The following ORC4 variants were observed in gnomAD, a reference collection of about 807,000 sequenced individuals.
ORC4 encodes origin recognition complex, subunit 4 homolog.
ORC4 carries 55 observed loss-of-function variants against 63.9 expected under a neutral mutation model. The ratio of observed to expected loss-of-function variants is 0.86; its 90% CI spans 0.69 to 1.08. The LOEUF (loss-of-function observed/expected upper bound fraction) is 1.08, where lower values mean the gene tolerates loss of function less well. Among genes scored for constraint, ORC4 ranks in the 50% least tolerant of loss-of-function variants. The pLI, the probability that ORC4 is intolerant of heterozygous loss-of-function variation, is 0.00. For synonymous variants in ORC4, 150 were observed against 168.5 expected, an observed-to-expected ratio of 0.89 and a Z score of 0.85; for missense variants, 511 against 504.4, an observed-to-expected ratio of 1.01 and a Z score of -0.13.
intron 13 of ORC4, among the ~76,000 whole-genome samples, chr2:147,937,638 T>C (rs1688126059): frequency 6.6e-6 from 1 of 152,212 alleles, no homozygotes; most frequent in Non-Finnish European, 1.5e-5. Context: ...TTACAGGTAC[T>C]AGAAAATTTA....
intron 13 of ORC4, chr2:147,936,828 G>GACCA (rs1688076096): frequency 6.6e-6 from 1 of 151,994 alleles, no homozygotes; most frequent in African/African-American, 2.4e-5. Flanking sequence ...AGACCAGCCT[G>GACCA]ACCAACATGG....
At chr2:147,965,037 C>T (rs117943376) in intron 4 of ORC4, among the ~76,000 whole-genome samples, 497 of 152,194 alleles carry the variant, frequency 3.3e-3, no homozygotes, top group East Asian at 8.3e-3. Context: ...CATCACTAGA[C>T]CAGACCTATA....
At chr2:147,977,665 TG>T (rs1690642912) in intron 1 of ORC4, among the ~76,000 whole-genome samples, 2 of 152,210 alleles carry the variant, frequency 1.3e-5, no homozygotes, top group African/African-American at 4.8e-5. Flanking sequence ...GATAGGACCT[TG>T]TTACCAGGGG....
intron 1 of ORC4, among the ~76,000 whole-genome samples, chr2:147,988,709 GC>G (rs1295937046): frequency 6.6e-6 from 1 of 151,534 alleles, no homozygotes; most frequent in African/African-American, 2.4e-5. Context: ...AATAATCTCA[GC>G]TGTTCCAACT....
At chr2:147,987,391 T>TATATAC (rs1553458407) in intron 1 of ORC4, among the ~76,000 whole-genome samples, 1 of 136,622 alleles carries the variant, frequency 7.3e-6, no homozygotes. Context: ...TGTATATATA[T>TATATAC]ACACACACAC....
At chr2:147,954,376 C>G (rs1212405604) in intron 7 of ORC4, among the ~76,000 whole-genome samples, 1 of 152,128 alleles carries the variant, frequency 6.6e-6, no homozygotes, top group Non-Finnish European at 1.5e-5. Context: ...TGTACTTACC[C>G]AAGCCTAGAT....
In ORC4 at chr2:147,943,418, A is replaced by G. The variant is rs1183852853; in HGVS notation, c.849+18T>C. 3 of 1,527,998 alleles carry G rather than the reference A, an allele frequency of 2.0e-6. No individual in the cohort carries two copies. The highest frequency in any genetic ancestry group is 1.7e-5 in the Admixed American group (1 of 59,678). 94.7% of individuals were successfully genotyped at this position (1,527,998 alleles called of 1,614,324 possible). A position where few individuals can be genotyped will look rare whatever the true frequency, so the allele number is the denominator to read the frequency against. ...ACAAAAACAAAGCAACAAGCAATAA[A>G]ACAAAACTAATACAAACCAATAGCA... On this transcript the variant is annotated intron_variant, in intron 10 of 13. Coordinates refer to ENST00000392857, the MANE Select transcript of ORC4 (RefSeq NM_181741.4).
At position 147,958,304 on chromosome 2, in the gene ORC4, T is replaced by A. The variant is rs1452298874; in HGVS notation, c.381A>T (p.Lys127Asn). Residue 127 changes from lysine (K) to asparagine (N), a missense_variant, in exon 6 of 14, where the codon AAA (lysine) becomes AAT (asparagine). Lys to Asn is a moderately conservative substitution (Grantham distance 94). Transcript: ENST00000392857. ...TAACTGAAATGATACTTACAAAAAC[T>A]TTATCTCCAACTACATTTTCCAGAT... ...QLNLENVVGDKVFGSFAENLS... is the reference protein window; with the variant it reads ...QLNLENVVGDNVFGSFAENLS... 6.2e-7 allele frequency: 1 copy of A among 1,602,390 alleles called. No individual in the cohort carries two copies. Among genetic ancestry groups the A allele is most frequent in the African/African-American group, 1.3e-5 (1 of 74,758 alleles).
At chr2:148,006,415 T>C (rs1364250111) in intron 1 of ORC4, among the ~76,000 whole-genome samples, 1 of 152,178 alleles carries the variant, frequency 6.6e-6, no homozygotes, top group African/African-American at 2.4e-5. Flanking sequence ...TTGGCAAGCC[T>C]TGGTACTGCA....
rs145926788 is a variant in ORC4, at chr2:147,962,810, G to A, written c.226-3944C>T. Among the ~76,000 whole-genome samples the A allele has an allele frequency of 2.6e-3, 396 of 151,876 alleles. 2 individuals are homozygous for A. Among genetic ancestry groups the A allele is most frequent in the African/African-American group, 8.5e-3 (351 of 41,392 alleles). On this transcript the variant is annotated intron_variant, in intron 4 of 13. Coordinates refer to ENST00000392857, the MANE Select transcript of ORC4 (RefSeq NM_181741.4). Reference sequence around the variant, plus strand: ...ACAATACCGTGCACCCCTCCCTCCCGCAGACATACCCCTAGCTTGCCCAGT... The same window carrying A: ...ACAATACCGTGCACCCCTCCCTCCCACAGACATACCCCTAGCTTGCCCAGT...
intron 1 of ORC4, among the ~76,000 whole-genome samples, chr2:147,995,309 G>A (rs1461002524): frequency 1.3e-5 from 2 of 148,670 alleles, no homozygotes; most frequent in Non-Finnish European, 3.0e-5. Flanking sequence ...AATCAGCACT[G>A]TGTAAAAACG....
At chr2:147,935,746 C>G (rs936292848) in intron 13 of ORC4, 48 bp from the exon 14 acceptor site, 34 of 1,451,292 alleles carry the variant, frequency 2.3e-5, no homozygotes, top group Non-Finnish European at 3.3e-5. Flanking sequence ...AGGAGAGTGA[C>G]AACTCTCCTG....
chr2:147,938,691 C>T (rs1688196991), intron 11 of ORC4: 1 of 368,596 alleles, frequency 2.7e-6, no homozygotes, highest in Non-Finnish European at 5.0e-6. Context: ...ACAAAATAAA[C>T]TTCAATTGTT....
chr2:148,019,021 G>A (rs1266614115), intron 1 of ORC4, among the ~76,000 whole-genome samples: 4 of 151,492 alleles, frequency 2.6e-5, no homozygotes, highest in Admixed American at 2.0e-4. Context: ...ATTTAAAATT[G>A]TAGCTAAGGC....
intron 6 of ORC4, among the ~76,000 whole-genome samples, chr2:147,957,540 T>C (rs893955972): frequency 6.6e-6 from 1 of 152,012 alleles, no homozygotes; most frequent in African/African-American, 2.4e-5. Context: ...GCCCTATATA[T>C]TAGGTGAAAG....
At chr2:147,943,371 TGA>T in intron 10 of ORC4, 63 bp downstream of exon 10, 1 of 1,064,358 alleles carries the variant, frequency 9.4e-7, no homozygotes, top group Non-Finnish European at 1.5e-6. Context: ...AGCAACAAAG[TGA>T]GACCCCGTCA....
intron 2 of ORC4, among the ~76,000 whole-genome samples, chr2:147,975,225 G>A (rs1029505905): frequency 1.3e-5 from 2 of 152,018 alleles, no homozygotes; most frequent in African/African-American, 4.8e-5. Context: ...GCTTCTTAAG[G>A]AAGAGACATA....
At chr2:147,944,502 C>T (rs1163803009) in intron 9 of ORC4, among the ~76,000 whole-genome samples, 3 of 151,938 alleles carry the variant, frequency 2.0e-5, no homozygotes, top group Non-Finnish European at 4.4e-5. Context: ...AAGATCACCA[C>T]AGCCCTTTGA....
intron 1 of ORC4, among the ~76,000 whole-genome samples, chr2:148,017,201 A>C (rs1558884736): frequency 6.6e-6 from 1 of 152,248 alleles, no homozygotes; most frequent in Non-Finnish European, 1.5e-5. Context: ...TCTATTGTTC[A>C]CACTAAAAGA....
Sources: gnomAD v4.1 joint callset for allele counts (sites outside exome capture counted in the v4.1 genomes callset) on GRCh38, gnomAD v4.1.1 for gene constraint, MANE v1.5 for transcripts, NCBI Gene and HGNC (gene_info 2026-07-23, HGNC 2026-07-21) for gene names.